Variants in CNOT4 observed in about 807,000 individuals in gnomAD.
CNOT4 encodes the protein CCR4-associated factor 4.
A neutral mutation model predicts 73.8 loss-of-function variants in CNOT4; 8 were observed. The ratio of observed to expected loss-of-function variants is 0.11; its 90% CI spans 0.06 to 0.20. The LOEUF is 0.20. Among genes scored for constraint, CNOT4 ranks in the 10% least tolerant of loss-of-function variants. CNOT4 has a pLI of 1.00. For missense variants in CNOT4, 564 were observed against 883.4 expected (o/e 0.64, Z 4.58); for synonymous variants, 293 against 321.1 (o/e 0.91, Z 0.94).
At chr7:135,421,090 T>C (rs1049396891) in intron 3 of CNOT4, among the ~76,000 whole-genome samples, 1 of 152,178 alleles carries the variant, frequency 6.6e-6, no homozygotes, top group Non-Finnish European at 1.5e-5. Flanking sequence ...TGTCCCTGAC[T>C]TTCGCGGGGT....
Position 135,414,387 on chromosome 7 carries a change from C to A in CNOT4, c.505G>T (p.Ala169Ser). 1 of 1,567,150 alleles carries A rather than the reference C, an allele frequency of 6.4e-7. No homozygotes were observed. The highest frequency in any genetic ancestry group is 1.1e-5 in the South Asian group (1 of 89,418). ...AYVTYIRSED[A>S]LRAIQCVNNV... ...TTGACACACTGTATGGCTCTGAGAG[C>A]GTCTTCTGACCGGATATAGGTTACA... Residue 169 changes from alanine to serine, a missense_variant, in exon 5 of 12, where the codon GCT (alanine) becomes TCT (serine). Around this residue, in one of 10 missense-constraint regions of CNOT4, gnomAD observed 25 missense variants for 25.1 expected, o/e 1.00. Transcript: ENST00000541284.
At position 135,389,540 on chromosome 7, in the gene CNOT4, T is replaced by C. The variant is rs548891633; in HGVS notation, c.1627+4378A>G. ...TGAATGAGATCGGTTCTCCTGATTA[T>C]AACTGAAAATTATTTGACTACAAGT... On this transcript the variant is annotated intron_variant, in intron 10 of 11. Transcript: ENST00000541284. 5.9e-5 allele frequency among the ~76,000 whole-genome samples: 9 copies of C among 152,244 alleles called. No individual in the cohort carries two copies. In the East Asian group the frequency reaches 1.7e-3, roughly 29 times the overall value.
intron 1 of CNOT4, among the ~76,000 whole-genome samples, chr7:135,489,286 A>T (rs1802943660): frequency 6.6e-6 from 1 of 151,954 alleles, no homozygotes; most frequent in Non-Finnish European, 1.5e-5. Context: ...TTTTAAAATT[A>T]CTAATAAGAA....
At chr7:135,459,215 T>C (rs1436585993) in intron 1 of CNOT4, among the ~76,000 whole-genome samples, 1 of 151,966 alleles carries the variant, frequency 6.6e-6, no homozygotes, top group Admixed American at 6.6e-5. Context: ...GAATCTTTTT[T>C]TCTGAGCGGT....
rs555718841 is a variant in CNOT4 at position 135,482,606 on chromosome 7, C to A, written c.-93+27283G>T. On this transcript the variant is annotated intron_variant, in intron 1 of 11. Coordinates refer to ENST00000541284, the MANE Select transcript of CNOT4 (RefSeq NM_001190850.2). ...CAGAGAGCCAGGTATCAAAACCAGA[C>A]AAAGATATCACAAAAAAAGGAAAAA... 1.6e-3 allele frequency among the ~76,000 whole-genome samples: 241 copies of A among 150,280 alleles called. 1 individual carries two copies. Among genetic ancestry groups the A allele is most frequent in the Non-Finnish European group, 2.6e-3 (174 of 67,550 alleles).
intron 1 of CNOT4, among the ~76,000 whole-genome samples, chr7:135,499,519 T>C (rs1188873759): frequency 6.6e-6 from 1 of 152,052 alleles, no homozygotes; most frequent in Non-Finnish European, 1.5e-5. Context: ...AATTTGAGAT[T>C]AATTCAATTT....
chr7:135,388,991 TAA>T, intron 10 of CNOT4: 2 of 1,141,314 alleles, frequency 1.8e-6, no homozygotes, highest in South Asian at 3.1e-5. Context: ...GATACATATA[TAA>T]AATACATGCT....
At chr7:135,506,726 T>A (rs868781352) in intron 1 of CNOT4, among the ~76,000 whole-genome samples, 1 of 151,866 alleles carries the variant, frequency 6.6e-6, no homozygotes, top group Admixed American at 6.6e-5. Flanking sequence ...CACACGCCTG[T>A]AATCCCAGCT....
intron 1 of CNOT4, among the ~76,000 whole-genome samples, chr7:135,480,818 A>G (rs570780935): frequency 6.6e-6 from 1 of 152,040 alleles, no homozygotes; most frequent in South Asian, 2.1e-4. Context: ...AATTTTCAAT[A>G]TAAGTGCCAA....
intron 1 of CNOT4, chr7:135,444,676 T>G (rs551832714): frequency 8.5e-7 from 1 of 1,176,240 alleles, no homozygotes; most frequent in South Asian, 1.2e-5. Flanking sequence ...TTCAGTGTTT[T>G]GCTCCTGGGT....
At chr7:135,479,202 T>A in intron 1 of CNOT4, among the ~76,000 whole-genome samples, 1 of 124,998 alleles carries the variant, frequency 8.0e-6, no homozygotes, top group African/African-American at 3.2e-5. Flanking sequence ...AACCAAATTT[T>A]TTTTTTTTTT....
chr7:135,368,729 T>TGCATAACACTGTACTA (rs1261377446), intron 10 of CNOT4, among the ~76,000 whole-genome samples: 2 of 152,206 alleles, frequency 1.3e-5, no homozygotes, highest in Admixed American at 1.3e-4. Context: ...TTAGTATTTC[T>TGCATAACACTGTACTA]GCATAACACT....
chr7:135,363,241 A>C lies in CNOT4; in HGVS notation c.1841-55T>G, dbSNP rs996140821. 1 of 1,548,848 alleles carries C rather than the reference A, an allele frequency of 6.5e-7. No homozygotes were observed. The highest frequency in any genetic ancestry group is 8.9e-7 in the Non-Finnish European group (1 of 1,128,976). ...ATGGTGAGTTTGTGTGGAAAGAATA[A>C]GGTCGTCAAACAAATTTAGAAAGCA... On this transcript the variant is annotated intron_variant, in intron 11 of 11. Coordinates refer to ENST00000541284, the MANE Select transcript of CNOT4 (RefSeq NM_001190850.2). This position sits in a 1 kb window ranked among gnomAD's most constrained non-coding sequence, Gnocchi z 4.3.
chr7:135,459,926 T>C (rs1479922905), intron 1 of CNOT4, among the ~76,000 whole-genome samples: 2 of 152,258 alleles, frequency 1.3e-5, no homozygotes, highest in African/African-American at 4.8e-5. Context: ...GACAACTGAC[T>C]ACAGTTTCTA....
chr7:135,409,771 A>G (rs1267456918), intron 7 of CNOT4, among the ~76,000 whole-genome samples: 2 of 152,136 alleles, frequency 1.3e-5, no homozygotes, highest in Non-Finnish European at 2.9e-5. Flanking sequence ...CAAATAAAAA[A>G]GAACAAAAAA....
In CNOT4 at chr7:135,467,088, C is replaced by G. The variant is rs934661573; in HGVS notation, c.-92-28665G>C. 3.3e-4 allele frequency among the ~76,000 whole-genome samples: 50 copies of G among 152,078 alleles called. 1 individual carries two copies. The highest frequency in any genetic ancestry group is 1.2e-3 in the African/African-American group (50 of 41,404). On this transcript the variant is annotated intron_variant, in intron 1 of 11. Coordinates refer to ENST00000541284, the MANE Select transcript of CNOT4 (RefSeq NM_001190850.2). Reference sequence around the variant, plus strand: ...CCATCTGTGTATTTTCCAGGAAACTCAAGTTTAACTCTTTTTAAAACGAAA... The same window carrying G: ...CCATCTGTGTATTTTCCAGGAAACTGAAGTTTAACTCTTTTTAAAACGAAA...
chr7:135,377,247 A>C (rs1040949443), intron 10 of CNOT4, among the ~76,000 whole-genome samples: 2 of 152,238 alleles, frequency 1.3e-5, no homozygotes, highest in Non-Finnish European at 2.9e-5. Context: ...AAGCTACATT[A>C]GTTTTAAAAC....
chr7:135,453,746 T>TTA lies in CNOT4; in HGVS notation c.-92-15325_-92-15324dup, dbSNP rs1361918326. On this transcript the variant is annotated intron_variant, in intron 1 of 11. Coordinates refer to ENST00000541284, the MANE Select transcript of CNOT4 (RefSeq NM_001190850.2). ...AATTGTTTTATATATATATGTTATA[T>TTA]TATATATATATAAAATATAACATAT... 7.6e-5 allele frequency among the ~76,000 whole-genome samples: 11 copies of TTA among 145,004 alleles called. 1 individual carries two copies. The highest frequency in any genetic ancestry group is 3.9e-4 in the East Asian group (2 of 5,074).
intron 1 of CNOT4, among the ~76,000 whole-genome samples, chr7:135,493,178 TG>T (rs1313248361): frequency 6.6e-6 from 1 of 151,994 alleles, no homozygotes; most frequent in Non-Finnish European, 1.5e-5. Flanking sequence ...GGAAAATGGT[TG>T]GTTGGTTGGT....
Sources: allele counts gnomAD v4.1 joint callset (sites outside exome capture counted in the v4.1 genomes callset), GRCh38; gene constraint gnomAD v4.1.1; regional missense constraint gnomAD v4.1.1; non-coding constraint Gnocchi (gnomAD v3.1); transcripts MANE v1.5; gene names NCBI Gene and HGNC (gene_info 2026-07-23, HGNC 2026-07-21).